The following PCSK5 variants were observed in gnomAD, a reference collection of about 807,000 sequenced individuals.
PCSK5 encodes the protein proprotein convertase subtilisin/kexin type 5.
Under a neutral mutation model 233.2 loss-of-function variants are expected in PCSK5, and 129 were observed. That is an observed-to-expected ratio of 0.55 (90% confidence interval 0.48 to 0.64). The LOEUF is 0.64. PCSK5 is among the 30% of genes least tolerant of loss of function. PCSK5 has a pLI of 0.00. For synonymous variants in PCSK5, 825 were observed against 879.2 expected, an observed-to-expected ratio of 0.94 and a Z score of 1.09; for missense variants, 2,076 against 2,430.1, an observed-to-expected ratio of 0.85 and a Z score of 3.06.
chr9:76,262,321 C>A (rs538438249), intron 24 of PCSK5, among the ~76,000 whole-genome samples: 2 of 152,300 alleles, frequency 1.3e-5, no homozygotes, highest in East Asian at 3.9e-4. Flanking sequence ...ATCACCAAGT[C>A]AATCCTAAGC....
At chr9:76,250,651 T>C (rs1369838922) in intron 24 of PCSK5, among the ~76,000 whole-genome samples, 3 of 152,070 alleles carry the variant, frequency 2.0e-5, no homozygotes, top group Non-Finnish European at 4.4e-5. Flanking sequence ...ACAAGTCAAG[T>C]CTGAGAAACT....
At chr9:75,971,090 C>T (rs1156786453) in intron 2 of PCSK5, among the ~76,000 whole-genome samples, 2 of 151,752 alleles carry the variant, frequency 1.3e-5, no homozygotes, top group African/African-American at 2.4e-5. Context: ...TGCTCCCACC[C>T]CCACCCCCAC....
chr9:76,298,779 G>C (rs1828520968), intron 27 of PCSK5, among the ~76,000 whole-genome samples: 1 of 152,196 alleles, frequency 6.6e-6, no homozygotes, highest in African/African-American at 2.4e-5. Flanking sequence ...GGAAACCCAG[G>C]CAAATTACAG....
chr9:76,348,552 T>C (rs1830037000), intron 35 of PCSK5, among the ~76,000 whole-genome samples: 1 of 151,940 alleles, frequency 6.6e-6, no homozygotes, highest in African/African-American at 2.4e-5. Flanking sequence ...AAGCCATGAT[T>C]GCACCGTTGC....
At chr9:76,199,943 C>T (rs1422976089) in intron 20 of PCSK5, among the ~76,000 whole-genome samples, 1 of 152,070 alleles carries the variant, frequency 6.6e-6, no homozygotes, top group African/African-American at 2.4e-5. Context: ...AAATCTCTCC[C>T]ACCTCAGTAA....
chr9:76,338,976 G>T (rs1383616632), intron 35 of PCSK5, among the ~76,000 whole-genome samples: 1 of 151,636 alleles, frequency 6.6e-6, no homozygotes, highest in Non-Finnish European at 1.5e-5. Context: ...TTCAAGATCT[G>T]TTGGTACTCT....
At chr9:76,236,947 A>G (rs1194899913) in intron 22 of PCSK5, among the ~76,000 whole-genome samples, 1 of 152,204 alleles carries the variant, frequency 6.6e-6, no homozygotes, top group Non-Finnish European at 1.5e-5. Context: ...ACATATTTAG[A>G]GCCTTAGACT....
At chr9:76,158,849 G>T in intron 11 of PCSK5, 134 bp from the exon 12 acceptor site, 1 of 690,218 alleles carries the variant, frequency 1.4e-6, no homozygotes, top group South Asian at 2.1e-5. Flanking sequence ...AGTTATTTTG[G>T]TGATAGCACT....
intron 35 of PCSK5, among the ~76,000 whole-genome samples, chr9:76,346,062 C>A (rs1279835456): frequency 6.6e-6 from 1 of 152,180 alleles, no homozygotes; most frequent in Non-Finnish European, 1.5e-5. Context: ...GAGTTATCAC[C>A]TATATGGTGA....
chr9:76,004,783 T>C (rs1014870810), intron 3 of PCSK5, among the ~76,000 whole-genome samples: 3 of 152,198 alleles, frequency 2.0e-5, no homozygotes, highest in African/African-American at 7.2e-5. Context: ...TTTTCAGAAG[T>C]TCCCATCAGT....
At chr9:76,073,360 G>A (rs940612351) in intron 7 of PCSK5, among the ~76,000 whole-genome samples, 1 of 152,146 alleles carries the variant, frequency 6.6e-6, no homozygotes, top group African/African-American at 2.4e-5. Flanking sequence ...GATAGTTCAG[G>A]TTTGGTTAAA....
In PCSK5 at chr9:76,341,053, GA is replaced by G. The variant is rs11446664; in HGVS notation, c.4966+2620del. On this transcript the variant is annotated intron_variant, in intron 35 of 37. Transcript: ENST00000674117. ...AACTTGGCGAAATCCTGTTTCTACA[GA>G]AAAAAAAAAAAAATACAAAAATTAG... 2.5e-3 allele frequency among the ~76,000 whole-genome samples: 335 copies of G among 134,662 alleles called. 1 individual carries two copies. The highest frequency in any genetic ancestry group is 4.9e-3 in the African/African-American group (176 of 36,070). 88.3% of individuals were successfully genotyped at this position (134,662 alleles called of 152,430 possible). A position where few individuals can be genotyped will look rare whatever the true frequency, so the allele number is the denominator to read the frequency against.
chr9:76,037,621 G>A lies in PCSK5; in HGVS notation c.632+10584G>A, dbSNP rs571813133. 5.3e-5 allele frequency among the ~76,000 whole-genome samples: 8 copies of A among 152,190 alleles called. No individual in the cohort carries two copies. In the South Asian group the frequency reaches 6.2e-4, roughly 12 times the overall value. On this transcript the variant is annotated intron_variant, in intron 5 of 37. Transcript: ENST00000674117. The stretch of plus-strand genomic sequence containing the variant: ...TTTTCCAATGTTTTTGCACTTAAGC[G>A]ACAACCTTTGTGAGTCCCTCTGGAA...
chr9:75,893,042 A>G (rs1825677595), intron 1 of PCSK5, among the ~76,000 whole-genome samples: 4 of 152,116 alleles, frequency 2.6e-5, no homozygotes. Context: ...GTCTTTTTAC[A>G]TGAACTTAAA....
At chr9:75,891,531 GCACACACACACACACACA>G (rs34768107) in intron 1 of PCSK5, among the ~76,000 whole-genome samples, 158 bp downstream of exon 1, 8 of 148,686 alleles carry the variant, frequency 5.4e-5, no homozygotes, top group African/African-American at 2.0e-4. Context: ...GCGCGCGTAC[GCACACACACACACACACA>G]CACACACACA....
chr9:76,073,110 A>G (rs1469239983), intron 7 of PCSK5, among the ~76,000 whole-genome samples: 1 of 152,248 alleles, frequency 6.6e-6, no homozygotes, highest in Non-Finnish European at 1.5e-5. Context: ...AATTTAATTA[A>G]CTACAAATGA....
chr9:76,185,993 G>C (rs1459882621), intron 17 of PCSK5, among the ~76,000 whole-genome samples: 3 of 152,122 alleles, frequency 2.0e-5, no homozygotes, highest in Non-Finnish European at 4.4e-5. Context: ...TGTTAAACCA[G>C]TGCATGCCGG....
intron 9 of PCSK5, among the ~76,000 whole-genome samples, chr9:76,126,194 T>TGTGTGTGTGTGC (rs1832848473): frequency 1.3e-5 from 2 of 149,472 alleles, no homozygotes; most frequent in African/African-American, 2.5e-5. Context: ...TGTGTGTGTG[T>TGTGTGTGTGTGC]GTGTGTGGTG....
At chr9:76,208,066 C>T (rs1244865986) in intron 20 of PCSK5, among the ~76,000 whole-genome samples, 1 of 152,060 alleles carries the variant, frequency 6.6e-6, no homozygotes, top group Non-Finnish European at 1.5e-5. Flanking sequence ...TATCAGGAGC[C>T]CTCTCTCACC....
Sources: gnomAD v4.1 joint callset for allele counts (sites outside exome capture counted in the v4.1 genomes callset) on GRCh38, gnomAD v4.1.1 for gene constraint, MANE v1.5 for transcripts, NCBI Gene and HGNC (gene_info 2026-07-23, HGNC 2026-07-21) for gene names.